The following VPS39 variants were observed in gnomAD, a reference collection of about 807,000 sequenced individuals.
VPS39 encodes the protein vam6/Vps39-like protein.
In VPS39, 70 loss-of-function variants were observed where a neutral mutation model predicts 121.0. That is an observed-to-expected ratio of 0.58 (90% CI 0.48 to 0.71). The LOEUF (loss-of-function observed/expected upper bound fraction) is 0.71, where lower values mean the gene tolerates loss of function less well. VPS39 is among the 30% of genes least tolerant of loss of function. The probability of loss-of-function intolerance (pLI) is 0.00; values close to 1 mark genes in which losing one functional copy is unlikely to be tolerated. For missense variants in VPS39, 818 were observed against 1,051.5 expected, an observed-to-expected ratio of 0.78 and a Z score of 3.07; for synonymous variants, 378 against 398.1, an observed-to-expected ratio of 0.95 and a Z score of 0.60.
At chr15:42,189,581 C>A (rs1391822884) in intron 4 of VPS39, among the ~76,000 whole-genome samples, 1 of 151,574 alleles carries the variant, frequency 6.6e-6, no homozygotes, top group Admixed American at 6.6e-5. Context: ...ATACAAAAAT[C>A]AGCTGGGTAT....
chr15:42,182,444 A>G (rs750167921), intron 8 of VPS39, among the ~76,000 whole-genome samples: 2 of 152,204 alleles, frequency 1.3e-5, no homozygotes, highest in African/African-American at 2.4e-5. Flanking sequence ...ATCTCTTTAT[A>G]TCTCCAAAAG....
intron 1 of VPS39, among the ~76,000 whole-genome samples, chr15:42,206,718 A>G (rs2050180649): frequency 1.3e-5 from 2 of 152,136 alleles, no homozygotes; most frequent in Non-Finnish European, 2.9e-5. Context: ...GTTCACGTGT[A>G]TTTGTCCCCC....
chr15:42,206,577 T>C (rs984819445), intron 1 of VPS39, among the ~76,000 whole-genome samples: 2 of 152,178 alleles, frequency 1.3e-5, no homozygotes, highest in Non-Finnish European at 2.9e-5. Flanking sequence ...AGTCAAGGAT[T>C]CTGACGAGCT....
At chr15:42,178,193 A>C (rs1291042252) in intron 10 of VPS39, 25 bp downstream of exon 10, 1 of 1,613,690 alleles carries the variant, frequency 6.2e-7, no homozygotes, top group Admixed American at 1.7e-5. Flanking sequence ...ATAAGGAAGG[A>C]AGACTAGTCA....
intron 1 of VPS39, among the ~76,000 whole-genome samples, chr15:42,204,668 A>G (rs2050133888): frequency 6.6e-6 from 1 of 152,080 alleles, no homozygotes; most frequent in African/African-American, 2.4e-5. Flanking sequence ...ATAATGAAAT[A>G]AAATAAAATA....
At chr15:42,178,634 A>G in intron 8 of VPS39, 64 bp from the exon 9 acceptor site, 2 of 1,595,428 alleles carry the variant, frequency 1.3e-6, no homozygotes, top group South Asian at 1.1e-5. Flanking sequence ...GGAGTGTTTC[A>G]GCTGCCCATT....
intron 1 of VPS39, among the ~76,000 whole-genome samples, chr15:42,206,439 C>A (rs955737858): frequency 6.6e-6 from 1 of 152,260 alleles, no homozygotes; most frequent in Non-Finnish European, 1.5e-5. Flanking sequence ...TCAAGGAAGG[C>A]CAAAAGCTAC....
intron 11 of VPS39, among the ~76,000 whole-genome samples, chr15:42,171,211 A>T (rs1226987424): frequency 1.3e-5 from 2 of 152,212 alleles, no homozygotes; most frequent in Non-Finnish European, 2.9e-5. Flanking sequence ...AAAACTGAAA[A>T]CTACTTTTAT....
intron 11 of VPS39, among the ~76,000 whole-genome samples, chr15:42,170,545 T>G (rs2140846631): frequency 6.6e-6 from 1 of 152,148 alleles, no homozygotes; most frequent in Middle Eastern, 3.4e-3. Context: ...TTAAACAAAT[T>G]CACATAAATT....
Position 42,163,391 on chromosome 15 carries a change from A to T in VPS39, c.2134T>A (p.Cys712Ser), listed in dbSNP as rs759834480. ...TTGTTTCGGTCATAGTGTTTGTGGC[A>T]GTACCTGCAAGGGAGAGAGTGGTGA... ...LKDTRMAEEY[C>S]HKHYDRNKDG... The change falls in exon 21 of 25, where the codon TGC becomes AGC. Residue 712 changes from cysteine to serine, a missense_variant. Cys to Ser is a moderately radical substitution (Grantham distance 112). Transcript: ENST00000318006. 2 of 1,614,218 alleles carry T rather than the reference A, an allele frequency of 1.2e-6. No homozygotes were observed. The highest frequency in any genetic ancestry group is 2.2e-5 in the South Asian group (2 of 91,088).
intron 1 of VPS39, among the ~76,000 whole-genome samples, chr15:42,207,483 T>A (rs1414473401): frequency 6.6e-6 from 1 of 152,196 alleles, no homozygotes; most frequent in Admixed American, 6.5e-5. Flanking sequence ...TTCAAGACAG[T>A]CTGGAAACTC....
intron 2 of VPS39, among the ~76,000 whole-genome samples, chr15:42,196,832 C>G (rs2049950583): frequency 6.6e-6 from 1 of 151,962 alleles, no homozygotes; most frequent in Non-Finnish European, 1.5e-5. Flanking sequence ...GAGTATATAC[C>G]CAAAGGATTA....
chr15:42,189,020 T>A, intron 5 of VPS39, 94 bp downstream of exon 5: 1 of 885,920 alleles, frequency 1.1e-6, no homozygotes. Flanking sequence ...GTATGGATCA[T>A]CAGTGTCATT....
chr15:42,198,837 T>C (rs2140888051), intron 2 of VPS39, among the ~76,000 whole-genome samples: 1 of 152,320 alleles, frequency 6.6e-6, no homozygotes, highest in Admixed American at 6.5e-5. Context: ...GCCTAAAATA[T>C]TTATTCTTTG....
chr15:42,183,145 C>T (rs190082404), intron 8 of VPS39, among the ~76,000 whole-genome samples: 169 of 151,308 alleles, frequency 1.1e-3, no homozygotes, highest in African/African-American at 4.0e-3. Context: ...CTGTCACCCA[C>T]GCTGGAGTGC....
chr15:42,203,565 G>A (rs973615008), intron 1 of VPS39, among the ~76,000 whole-genome samples: 25 of 151,786 alleles, frequency 1.6e-4, no homozygotes, highest in African/African-American at 5.8e-4. Flanking sequence ...CTTGAACACT[G>A]GCGGCGGAGG....
At chr15:42,163,131 G>A (rs1259141926) in intron 21 of VPS39, among the ~76,000 whole-genome samples, 1 of 152,196 alleles carries the variant, frequency 6.6e-6, no homozygotes, top group Admixed American at 6.5e-5. Flanking sequence ...AGAGACAGGA[G>A]TGCTATTAAT....
chr15:42,188,988 T>C (rs568272630), intron 5 of VPS39, 126 bp downstream of exon 5: 89 of 677,144 alleles, frequency 1.3e-4, no homozygotes, highest in South Asian at 9.2e-4. Context: ...AATAAATAAA[T>C]AATCTTTGGA....
chr15:42,186,733 T>C (rs2049710992), intron 7 of VPS39, among the ~76,000 whole-genome samples: 1 of 152,236 alleles, frequency 6.6e-6, no homozygotes, highest in Non-Finnish European at 1.5e-5. Context: ...GCAGTGACTA[T>C]TTCTGAGTGG....
Sources: allele counts gnomAD v4.1 joint callset (sites outside exome capture counted in the v4.1 genomes callset), GRCh38; gene constraint gnomAD v4.1.1; transcripts MANE v1.5; gene names NCBI Gene and HGNC (gene_info 2026-07-23, HGNC 2026-07-21).